The following COBL variants were observed in gnomAD, a reference collection of about 807,000 sequenced individuals.
COBL encodes protein cordon-bleu.
Under a neutral mutation model 98.8 loss-of-function variants are expected in COBL, and 51 were observed. The ratio of observed to expected loss-of-function variants is 0.52; its 90% CI spans 0.41 to 0.65. The LOEUF is 0.65. Among genes scored for constraint, COBL ranks in the 30% least tolerant of loss-of-function variants. COBL has a pLI of 0.00. For missense variants in COBL, 1,617 were observed against 1,617.5 expected, an observed-to-expected ratio of 1.00 and a Z score of 0.01; for synonymous variants, 634 against 651.7, an observed-to-expected ratio of 0.97 and a Z score of 0.41.
intron 1 of COBL, among the ~76,000 whole-genome samples, chr7:51,288,041 C>G (rs905393206): frequency 2.0e-5 from 3 of 152,270 alleles, no homozygotes; most frequent in African/African-American, 4.8e-5. Flanking sequence ...TGAAAGTGTT[C>G]TGTGTGCTAA....
Position 51,018,905 on chromosome 7 carries a change from AATATATATATATATATATATAT to A in COBL, c.3769-1359_3769-1338del, listed in dbSNP as rs71018490. 2.0e-4 allele frequency among the ~76,000 whole-genome samples: 7 copies of A among 34,446 alleles called. 1 individual carries two copies. Among genetic ancestry groups the A allele is most frequent in the Non-Finnish European group, 1.6e-4 (3 of 18,808 alleles). 22.6% of individuals were successfully genotyped at this position (34,446 alleles called of 152,430 possible). ...AAACTCCATCTCAAAAAAAAAAAAA[AATATATATATATATATATATAT>A]ATATATATATATATATATATATATA... On this transcript the variant is annotated intron_variant, in intron 12 of 12. Transcript: ENST00000265136.
chr7:51,104,687 G>A (rs990578786), intron 6 of COBL, among the ~76,000 whole-genome samples: 4 of 152,112 alleles, frequency 2.6e-5, no homozygotes, highest in African/African-American at 9.7e-5. Context: ...GGAGCCTGGA[G>A]ACCCTGACAT....
chr7:51,160,309 A>G (rs1355402868), intron 5 of COBL, among the ~76,000 whole-genome samples: 2 of 152,202 alleles, frequency 1.3e-5, no homozygotes, highest in Non-Finnish European at 2.9e-5. Context: ...AAGGCTCTGA[A>G]TCAGAAATGG....
chr7:51,209,557 G>A (rs1157200364), intron 2 of COBL, among the ~76,000 whole-genome samples: 1 of 152,190 alleles, frequency 6.6e-6, no homozygotes, highest in Non-Finnish European at 1.5e-5. Context: ...ACATCACTAT[G>A]CACATGCAGA....
intron 1 of COBL, among the ~76,000 whole-genome samples, chr7:51,288,550 C>T (rs1800588589): frequency 6.6e-6 from 1 of 151,842 alleles, no homozygotes; most frequent in African/African-American, 2.4e-5. Flanking sequence ...GTCAGGAGTT[C>T]GAGACCAGCC....
intron 5 of COBL, among the ~76,000 whole-genome samples, chr7:51,171,967 TA>T (rs1229101952): frequency 6.6e-6 from 1 of 152,270 alleles, no homozygotes; most frequent in Non-Finnish European, 1.5e-5. Flanking sequence ...TCAATATTTA[TA>T]AGATGTCATG....
intron 1 of COBL, among the ~76,000 whole-genome samples, chr7:51,278,301 A>C (rs1329510252): frequency 6.6e-6 from 1 of 151,756 alleles, no homozygotes; most frequent in Non-Finnish European, 1.5e-5. Flanking sequence ...CAGGTGGACA[A>C]GGCACCCTCA....
At chr7:51,304,093 T>A (rs1483692778) in intron 1 of COBL, among the ~76,000 whole-genome samples, 1 of 152,156 alleles carries the variant, frequency 6.6e-6, no homozygotes, top group Non-Finnish European at 1.5e-5. Context: ...CAGAATCCAG[T>A]CCCATGTTGT....
intron 6 of COBL, among the ~76,000 whole-genome samples, chr7:51,122,186 T>A (rs1562937248): frequency 6.6e-6 from 1 of 152,200 alleles, no homozygotes; most frequent in South Asian, 2.1e-4. Flanking sequence ...TAGCCACAAG[T>A]GTCAGAGAGG....
intron 7 of COBL, among the ~76,000 whole-genome samples, chr7:51,044,564 T>C (rs1789514379): frequency 6.6e-6 from 1 of 152,242 alleles, no homozygotes; most frequent in South Asian, 2.1e-4. Flanking sequence ...TGTTTTTTAA[T>C]AAAAATAGAT....
chr7:51,168,993 TCTA>T, intron 5 of COBL, among the ~76,000 whole-genome samples: 2 of 152,094 alleles, frequency 1.3e-5, no homozygotes, highest in African/African-American at 4.8e-5. Flanking sequence ...AACTTAAAAA[TCTA>T]GTTCAGGCCA....
intron 5 of COBL, among the ~76,000 whole-genome samples, chr7:51,145,242 T>C (rs1287178340): frequency 2.6e-5 from 4 of 152,086 alleles, no homozygotes; most frequent in African/African-American, 9.7e-5. Context: ...TCTTGAACTC[T>C]TGACCTCAAG....
intron 1 of COBL, among the ~76,000 whole-genome samples, chr7:51,274,634 CATT>C (rs2129168618): frequency 6.6e-6 from 1 of 152,336 alleles, no homozygotes; most frequent in South Asian, 2.1e-4. Flanking sequence ...TCTAGCCCAT[CATT>C]AAGCACACTT....
intron 7 of COBL, among the ~76,000 whole-genome samples, chr7:51,075,680 C>T (rs1283449580): frequency 6.6e-6 from 1 of 152,162 alleles, no homozygotes; most frequent in African/African-American, 2.4e-5. Flanking sequence ...TGAGTTGTCA[C>T]TAAGTTCTTT....
intron 1 of COBL, among the ~76,000 whole-genome samples, chr7:51,298,998 G>C (rs573307549): frequency 6.6e-6 from 1 of 152,302 alleles, no homozygotes; most frequent in South Asian, 2.1e-4. Flanking sequence ...TGGAGTCAGG[G>C]AGGCAACATC....
rs756671678 is a variant in COBL at position 51,028,505 on chromosome 7, G to C, written c.2591C>G (p.Ser864Cys). Residue 864 changes from serine to cysteine, a missense_variant, in exon 10 of 13, where the codon TCC (serine) becomes TGC (cysteine). Transcript: ENST00000265136. ...AATGGCAGAGGCCACATACTGGCTG[G>C]ACGTTCTTCTCTGAGGCTTGAGAAA... ...VTFLKPQRRT[S>C]SQYVASAIAK... 1.9e-6 allele frequency: 3 copies of C among 1,614,268 alleles called. No homozygotes were observed. The East Asian group carries it at 6.7e-5, about 36-fold the overall frequency.
chr7:51,098,220 G>GTTTTTTTTTTTTTTTT lies in COBL; in HGVS notation c.958-12917_958-12916insAAAAAAAAAAAAAAAA, dbSNP rs1276606651. On this transcript the variant is annotated intron_variant, in intron 6 of 12. Coordinates refer to ENST00000265136, the MANE Select transcript of COBL (RefSeq NM_015198.5). ...AATCACTACCAAAATCCCAATAGCA[G>GTTTTTTTTTTTTTTTT]TTTCTTTTTTTTTTTTGGAGAAATA... Among the ~76,000 whole-genome samples the GTTTTTTTTTTTTTTTT allele has an allele frequency of 5.5e-4, 29 of 52,300 alleles. 2 individuals are homozygous for GTTTTTTTTTTTTTTTT. Among genetic ancestry groups the GTTTTTTTTTTTTTTTT allele is most frequent in the African/African-American group, 3.2e-3 (29 of 9,006 alleles). The allele number at this position is 52,300 out of a possible 152,430, so 34.3% of individuals were successfully genotyped here.
intron 6 of COBL, among the ~76,000 whole-genome samples, chr7:51,118,418 G>T (rs1042120644): frequency 1.3e-5 from 2 of 151,932 alleles, no homozygotes; most frequent in South Asian, 4.2e-4. Flanking sequence ...CTTCTCTGGC[G>T]GGTTCAAGAC....
chr7:51,088,923 G>A (rs1426972624), intron 6 of COBL, among the ~76,000 whole-genome samples: 1 of 152,138 alleles, frequency 6.6e-6, no homozygotes, highest in Non-Finnish European at 1.5e-5. Context: ...TCCCTGTGTC[G>A]GTGCAGACTT....
Sources: allele counts gnomAD v4.1 joint callset (sites outside exome capture counted in the v4.1 genomes callset), GRCh38; gene constraint gnomAD v4.1.1; transcripts MANE v1.5; gene names NCBI Gene and HGNC (gene_info 2026-07-23, HGNC 2026-07-21).